The following NKAIN3 variants were observed in gnomAD, a reference collection of about 807,000 sequenced individuals.
The protein encoded by NKAIN3 is sodium/potassium-transporting ATPase subunit beta-1-interacting protein 3.
NKAIN3 carries 25 observed loss-of-function variants against 30.2 expected under a neutral mutation model. That is an observed-to-expected ratio of 0.83 (90% CI 0.60 to 1.16). The LOEUF is 1.16. Among genes scored for constraint, NKAIN3 ranks in the 50% most tolerant of loss-of-function variants. The pLI, the probability that NKAIN3 is intolerant of heterozygous loss-of-function variation, is 0.00. For missense variants in NKAIN3, 225 were observed against 254.1 expected, an observed-to-expected ratio of 0.89 and a Z score of 0.78; for synonymous variants, 91 against 89.6, an observed-to-expected ratio of 1.02 and a Z score of -0.09.
chr8:62,311,395 G>C (rs1262109791), intron 1 of NKAIN3, among the ~76,000 whole-genome samples: 1 of 150,230 alleles, frequency 6.7e-6, no homozygotes. Context: ...AGGCATTATG[G>C]GACCTATTTA....
chr8:62,478,112 G>A (rs1226414801), intron 1 of NKAIN3, among the ~76,000 whole-genome samples: 1 of 152,044 alleles, frequency 6.6e-6, no homozygotes, highest in East Asian at 1.9e-4. Context: ...GGAGATTAGG[G>A]TTTCAACATA....
intron 1 of NKAIN3, among the ~76,000 whole-genome samples, chr8:62,415,228 T>C (rs1287189055): frequency 7.0e-6 from 1 of 142,694 alleles, no homozygotes; most frequent in Non-Finnish European, 1.5e-5. Context: ...ATATACTATG[T>C]ATAATATAGT....
chr8:62,995,274 T>C (rs1331615850), intron 5 of NKAIN3, among the ~76,000 whole-genome samples: 1 of 152,204 alleles, frequency 6.6e-6, no homozygotes, highest in African/African-American at 2.4e-5. Context: ...TCCTGTTGCA[T>C]GCTTAATGGT....
chr8:62,803,397 A>G (rs1441711031), intron 4 of NKAIN3, among the ~76,000 whole-genome samples: 1 of 152,218 alleles, frequency 6.6e-6, no homozygotes, highest in East Asian at 1.9e-4. Context: ...AAAAAAACAG[A>G]TATTATAACA....
At position 62,299,674 on chromosome 8, in the gene NKAIN3, A is replaced by C. The variant is rs540512661; in HGVS notation, c.54+50547A>C. 5.9e-5 allele frequency among the ~76,000 whole-genome samples: 9 copies of C among 152,128 alleles called. No individual in the cohort carries two copies. The South Asian group carries it at 6.2e-4, about 11-fold the overall frequency. ...GATGTTGACTCAAAAAAAAAGGAAC[A>C]CCTCTCTGTGTATTACCCCAAATTT... On this transcript the variant is annotated intron_variant, in intron 1 of 6. Transcript: ENST00000623646.
chr8:62,289,447 A>C (rs1005634895), intron 1 of NKAIN3, among the ~76,000 whole-genome samples: 17 of 152,340 alleles, frequency 1.1e-4, no homozygotes, highest in Admixed American at 1.1e-3. Flanking sequence ...ATCCAGTTTC[A>C]GCTTTCTACA....
intron 3 of NKAIN3, among the ~76,000 whole-genome samples, chr8:62,738,974 A>G (rs1164523314): frequency 6.6e-6 from 1 of 152,338 alleles, no homozygotes; most frequent in East Asian, 1.9e-4. Flanking sequence ...AGGGACACGG[A>G]TGAAGCTGGA....
intron 1 of NKAIN3, among the ~76,000 whole-genome samples, chr8:62,314,505 A>C (rs1814548476): frequency 6.6e-6 from 1 of 152,200 alleles, no homozygotes; most frequent in African/African-American, 2.4e-5. Flanking sequence ...CTTGTAGAGC[A>C]AGCTTGATTC....
chr8:62,880,127 T>A (rs1820929387), intron 4 of NKAIN3, among the ~76,000 whole-genome samples: 1 of 152,208 alleles, frequency 6.6e-6, no homozygotes, highest in African/African-American at 2.4e-5. Context: ...AACATAAATT[T>A]TGTGCATGAG....
At chr8:62,582,378 T>G (rs1810332011) in intron 2 of NKAIN3, among the ~76,000 whole-genome samples, 1 of 152,118 alleles carries the variant, frequency 6.6e-6, no homozygotes, top group African/African-American at 2.4e-5. Context: ...GAGGTGTGCC[T>G]TTATCAAACA....
At chr8:62,893,614 G>C (rs1396794735) in intron 4 of NKAIN3, among the ~76,000 whole-genome samples, 1 of 151,754 alleles carries the variant, frequency 6.6e-6, no homozygotes, top group African/African-American at 2.4e-5. Flanking sequence ...AGCCGGTGAT[G>C]TTTACTGCAG....
intron 1 of NKAIN3, among the ~76,000 whole-genome samples, chr8:62,376,391 T>A (rs1055042487): frequency 6.6e-6 from 1 of 152,230 alleles, no homozygotes; most frequent in Non-Finnish European, 1.5e-5. Context: ...GCCCAGGCCT[T>A]ACTTGTACAT....
chr8:62,428,706 T>TTGTTATTGAG, intron 1 of NKAIN3, among the ~76,000 whole-genome samples: 1 of 152,058 alleles, frequency 6.6e-6, no homozygotes. Context: ...ATTTGTTTAT[T>TTGTTATTGAG]TGTTATTGAG....
intron 6 of NKAIN3, among the ~76,000 whole-genome samples, chr8:62,956,241 C>A (rs558543139): frequency 1.3e-5 from 2 of 152,314 alleles, no homozygotes; most frequent in African/African-American, 2.4e-5. Context: ...AAAAAGCCAA[C>A]CTTCTGTGCG....
Position 62,480,536 on chromosome 8 carries a change from A to T in NKAIN3, c.55-99003A>T, listed in dbSNP as rs796559523. ...GGAAGGAAGCAATGTTTGGATTAAAAAAAAAAAAAAAAAGGAATAGAGAAG... is the reference window on the plus strand; with the variant it reads ...GGAAGGAAGCAATGTTTGGATTAAATAAAAAAAAAAAAAGGAATAGAGAAG... On this transcript the variant is annotated intron_variant, in intron 1 of 6. Transcript: ENST00000623646. Among the ~76,000 whole-genome samples the T allele has an allele frequency of 3.1e-3, 412 of 131,288 alleles. 2 individuals are homozygous for T. Among genetic ancestry groups the T allele is most frequent in the African/African-American group, 0.012 (335 of 27,964 alleles). The allele number at this position is 131,288 out of a possible 152,430, so 86.1% of individuals were successfully genotyped here.
At position 62,807,496 on chromosome 8, in the gene NKAIN3, C is replaced by A. The variant is rs117553744; in HGVS notation, c.471+60367C>A. On this transcript the variant is annotated intron_variant, in intron 4 of 6. Transcript: ENST00000623646. Reference sequence around the variant, plus strand: ...CTTTCTTCTCTACTGTCTTCATATTCTTTCTGCTAGTTAAAGATTATATAT... The same window carrying A: ...CTTTCTTCTCTACTGTCTTCATATTATTTCTGCTAGTTAAAGATTATATAT... Among the ~76,000 whole-genome samples, 1,191 of 149,500 alleles carry A rather than the reference C, an allele frequency of 8.0e-3. 7 individuals carry two copies. Among genetic ancestry groups the A allele is most frequent in the Middle Eastern group, 0.014 (4 of 282 alleles).
rs550080700 is a variant in NKAIN3, at chr8:62,876,825, G to A, written c.472-41628G>A. Among the ~76,000 whole-genome samples the A allele has an allele frequency of 2.0e-5, 3 of 152,094 alleles. No individual in the cohort carries two copies. The East Asian group carries it at 5.8e-4, about 30-fold the overall frequency. On this transcript the variant is annotated intron_variant, in intron 4 of 6. Transcript: ENST00000623646. Reference sequence around the variant, plus strand: ...AGGGCCTATTGAGGGGTGGGGGTGAGGCAAGGAACTTAGAGGATGGGTCAA... The same window carrying A: ...AGGGCCTATTGAGGGGTGGGGGTGAAGCAAGGAACTTAGAGGATGGGTCAA...
chr8:62,286,684 TAC>T (rs1461338114), intron 1 of NKAIN3, among the ~76,000 whole-genome samples: 5 of 152,122 alleles, frequency 3.3e-5, no homozygotes, highest in Non-Finnish European at 5.9e-5. Context: ...AAAGAATCTG[TAC>T]TTTCAAGTAC....
At chr8:62,899,047 T>C (rs1268170841) in intron 4 of NKAIN3, among the ~76,000 whole-genome samples, 1 of 152,124 alleles carries the variant, frequency 6.6e-6, no homozygotes, top group Admixed American at 6.6e-5. Context: ...CTCAATCCAG[T>C]TAAAATGGCT....
Sources: gnomAD v4.1 joint callset for allele counts (sites outside exome capture counted in the v4.1 genomes callset) on GRCh38, gnomAD v4.1.1 for gene constraint, MANE v1.5 for transcripts, NCBI Gene and HGNC (gene_info 2026-07-23, HGNC 2026-07-21) for gene names.